Variants in SEC31A observed in about 807,000 individuals in gnomAD.
SEC31A encodes the protein protein transport protein Sec31A.
Under a neutral mutation model 151.0 loss-of-function variants are expected in SEC31A, and 70 were observed. The observed-to-expected ratio is 0.46, with a 90% CI of 0.38 to 0.57. The LOEUF (loss-of-function observed/expected upper bound fraction) is 0.57, where lower values mean the gene tolerates loss of function less well. Ranked by LOEUF, SEC31A falls within the 20% of genes least tolerant of loss-of-function variation. The pLI, the probability that SEC31A is intolerant of heterozygous loss-of-function variation, is 0.00. For missense variants in SEC31A, 1,330 were observed against 1,471.2 expected, an observed-to-expected ratio of 0.90 and a Z score of 1.57; for synonymous variants, 475 against 505.9, an observed-to-expected ratio of 0.94 and a Z score of 0.82.
At chr4:82,864,908 T>C (rs1734976329) in intron 10 of SEC31A, among the ~76,000 whole-genome samples, 1 of 151,984 alleles carries the variant, frequency 6.6e-6, no homozygotes. Context: ...CCTGAGTAGC[T>C]GGGATTACAG....
intron 25 of SEC31A, among the ~76,000 whole-genome samples, chr4:82,823,176 G>A (rs761824364): frequency 1.3e-5 from 2 of 152,188 alleles, no homozygotes; most frequent in African/African-American, 2.4e-5. Flanking sequence ...ATGACCGAGA[G>A]AAGGGTAAAT....
In SEC31A at chr4:82,858,172, G is replaced by A. The variant is rs529832851; in HGVS notation, c.1627-408C>T. On this transcript the variant is annotated intron_variant, in intron 14 of 26. Coordinates refer to ENST00000395310, the MANE Select transcript of SEC31A (RefSeq NM_001077207.4). Reference sequence around the variant, plus strand: ...GCGTGCCTGTAATCCCAGCACTTTGGGAGGCTGAGGTGGGCGGATCACAAG... The same window carrying A: ...GCGTGCCTGTAATCCCAGCACTTTGAGAGGCTGAGGTGGGCGGATCACAAG... Among the ~76,000 whole-genome samples, 3 of 152,146 alleles carry A rather than the reference G, an allele frequency of 2.0e-5. No individual in the cohort carries two copies. In the South Asian group the frequency reaches 6.2e-4, roughly 32 times the overall value.
At chr4:82,861,167 A>G (rs1046040986) in intron 14 of SEC31A, among the ~76,000 whole-genome samples, 2 of 152,170 alleles carry the variant, frequency 1.3e-5, no homozygotes, top group African/African-American at 4.8e-5. Flanking sequence ...TTATCAACTA[A>G]GGACACATTT....
chr4:82,844,065 AG>A (rs1483433676), intron 21 of SEC31A: 96 of 324,318 alleles, frequency 3.0e-4, no homozygotes, highest in Non-Finnish European at 4.9e-4. Flanking sequence ...CTGAAGAAAA[AG>A]AATATGTAAA....
Position 82,819,183 on chromosome 4 carries a change from C to G in SEC31A, c.3554G>C (p.Gly1185Ala). 6.2e-7 allele frequency: 1 copy of G among 1,612,308 alleles called. No homozygotes were observed. The highest frequency in any genetic ancestry group is 2.2e-5 in the East Asian group (1 of 44,800). The part of the protein sequence containing the change: ...RSIETRNYSE[G>A]LTMHTHIVST... ...AACTATGTGGGTATGCATGGTCAATCCTTCTGAGTAGTTTCGAGTTTCAAT... is the reference window on the plus strand; with the variant it reads ...AACTATGTGGGTATGCATGGTCAATGCTTCTGAGTAGTTTCGAGTTTCAAT... The change falls in exon 27 of 27, where the codon GGA becomes GCA. Residue 1185 changes from glycine (G) to alanine (A), a missense_variant. Transcript: ENST00000395310.
In SEC31A at chr4:82,827,454, G is replaced by T; in HGVS notation, c.3206C>A (p.Pro1069His). The T allele has an allele frequency of 6.2e-7, 1 of 1,614,228 alleles. No homozygotes were observed. Among genetic ancestry groups the T allele is most frequent in the African/African-American group, 1.3e-5 (1 of 75,058 alleles). The part of the protein sequence containing the change: ...GGQPFHGVQQ[P>H]LGQTGMPPSF... Reference sequence around the variant, plus strand: ...TGGTGGCATGCCTGTTTGACCAAGAGGTTGCTGTACGCCATGGAAGGGCTG... The same window carrying T: ...TGGTGGCATGCCTGTTTGACCAAGATGTTGCTGTACGCCATGGAAGGGCTG... The change falls in exon 24 of 27, where the codon CCT becomes CAT. Residue 1069 changes from proline (P) to histidine (H), a missense_variant. Physicochemically the swap from Pro to His is moderately conservative, Grantham distance 77 (BLOSUM62 -2). Transcript: ENST00000395310.
chr4:82,837,180 TATATATATATATATATATA>T lies in SEC31A; in HGVS notation c.2968+4941_2968+4959del, dbSNP rs1194435541. 7.4e-4 allele frequency among the ~76,000 whole-genome samples: 38 copies of T among 51,400 alleles called. No individual in the cohort carries two copies. In the South Asian group the frequency reaches 7.6e-3, roughly 10 times the overall value. The allele number at this position is 51,400 out of a possible 152,430, so 33.7% of individuals were successfully genotyped here. On this transcript the variant is annotated intron_variant, in intron 22 of 26. Transcript: ENST00000395310. ...TATCATATATATATATATATATATA[TATATATATATATATATATA>T]ATTTCACCACAATAAAAACTTTAAT...
Position 82,878,649 on chromosome 4 carries a change from A to C in SEC31A, c.402+81T>G, listed in dbSNP as rs566236096. On this transcript the variant is annotated intron_variant, in intron 4 of 26. Transcript: ENST00000395310. Reference sequence around the variant, plus strand: ...ACAGTTTTTTAACTTTCAATTCCAAAACTGAGGCATAGTAGATTCATATAC... The same window carrying C: ...ACAGTTTTTTAACTTTCAATTCCAACACTGAGGCATAGTAGATTCATATAC... 1.7e-4 allele frequency: 209 copies of C among 1,208,472 alleles called. No homozygotes were observed. The African/African-American group carries it at 2.7e-3, about 16-fold the overall frequency. 74.9% of individuals were successfully genotyped at this position (1,208,472 alleles called of 1,614,324 possible).
Position 82,857,704 on chromosome 4 carries a change from T to C in SEC31A, c.1687A>G (p.Ile563Val). Residue 563 changes from isoleucine to valine, a missense_variant, in exon 15 of 27, where the codon ATC (isoleucine) becomes GTC (valine). Physicochemically the swap from Ile to Val is conservative, Grantham distance 29 (BLOSUM62 3). Coordinates refer to ENST00000395310, the MANE Select transcript of SEC31A (RefSeq NM_001077207.4). ...AAGTACTTACCCCCACTGACAGAGA[T>C]ATTAAATGTTCCTCCAGATGAGGGT... ...FLPSSGGTFN[I>V]SVSGDIDGLI... 1 of 1,588,162 alleles carries C rather than the reference T, an allele frequency of 6.3e-7. No homozygotes were observed. Among genetic ancestry groups the C allele is most frequent in the Non-Finnish European group, 8.6e-7 (1 of 1,157,120 alleles).
At chr4:82,891,167 C>G (rs1421159938), upstream of SEC31A, 2 of 1,535,580 alleles carry the variant, frequency 1.3e-6, no homozygotes, top group Non-Finnish European at 1.7e-6. Context: ...GCCGCCCCTC[C>G]TCCCCGGCCA....
At chr4:82,843,674 T>G (rs202063990) in intron 21 of SEC31A, 1 of 22,840 alleles carries the variant, frequency 4.4e-5, no homozygotes, top group African/African-American at 6.1e-5. Context: ...AGATTTTTAT[T>G]TTTTTTTTTT....
At chr4:82,891,212 C>T (rs1054959274), upstream of SEC31A, 200 of 1,514,120 alleles carry the variant, frequency 1.3e-4, 1 homozygote, top group African/African-American at 2.2e-3. Flanking sequence ...ACGTGGCAGC[C>T]GCAGCCGCAG....
intron 22 of SEC31A, among the ~76,000 whole-genome samples, chr4:82,841,873 G>A (rs1308503092): frequency 6.6e-6 from 1 of 151,770 alleles, no homozygotes; most frequent in Non-Finnish European, 1.5e-5. Flanking sequence ...TCGGGAGGCT[G>A]AGGCAGGAGA....
chr4:82,837,219 T>C (rs1437910540), intron 22 of SEC31A, among the ~76,000 whole-genome samples: 1 of 126,948 alleles, frequency 7.9e-6, no homozygotes, highest in Non-Finnish European at 1.6e-5. Flanking sequence ...CAATAAAAAC[T>C]TTAATGCAAG....
At chr4:82,879,502 A>G (rs1276994593) in intron 3 of SEC31A, among the ~76,000 whole-genome samples, 1 of 152,248 alleles carries the variant, frequency 6.6e-6, no homozygotes, top group Non-Finnish European at 1.5e-5. Flanking sequence ...GATTATAACA[A>G]GTACCCCTAC....
At chr4:82,882,228 C>T (rs1409243970) in intron 1 of SEC31A, among the ~76,000 whole-genome samples, 8 of 151,700 alleles carry the variant, frequency 5.3e-5, no homozygotes, top group Non-Finnish European at 1.5e-5. Context: ...ATGGTGAGAC[C>T]CCATCTCTAC....
At chr4:82,875,688 C>T (rs947512492) in intron 5 of SEC31A, 39 bp downstream of exon 5, 1 of 1,288,568 alleles carries the variant, frequency 7.8e-7, no homozygotes, top group Non-Finnish European at 1.1e-6. Context: ...CTACTTTTGG[C>T]TTTTTTGATT....
intron 7 of SEC31A, 141 bp downstream of exon 7, chr4:82,871,803 C>A (rs972005784): frequency 3.0e-5 from 30 of 1,009,154 alleles, no homozygotes; most frequent in South Asian, 1.2e-4. Flanking sequence ...CTTGCCACTG[C>A]ACTCCAGCCT....
chr4:82,856,262 T>A (rs1732621204), intron 16 of SEC31A, among the ~76,000 whole-genome samples: 1 of 151,940 alleles, frequency 6.6e-6, no homozygotes, highest in South Asian at 2.1e-4. Flanking sequence ...GCGATTCTCC[T>A]GCTTCAGCCT....
Sources: allele counts gnomAD v4.1 joint callset (sites outside exome capture counted in the v4.1 genomes callset), GRCh38; gene constraint gnomAD v4.1.1; transcripts MANE v1.5; gene names NCBI Gene and HGNC (gene_info 2026-07-23, HGNC 2026-07-21).